The following LTBP1 variants were observed in gnomAD, a reference collection of about 807,000 sequenced individuals.
LTBP1 encodes the protein latent-transforming growth factor beta-binding protein 1.
A neutral mutation model predicts 207.6 loss-of-function variants in LTBP1; 129 were observed. The observed-to-expected ratio is 0.62, with a 90% CI of 0.54 to 0.72. The LOEUF is 0.72. LTBP1 is among the 30% of genes least tolerant of loss of function. LTBP1 has a pLI of 0.00. For missense variants in LTBP1, 2,281 were observed against 2,217.2 expected, an observed-to-expected ratio of 1.03 and a Z score of -0.58; for synonymous variants, 963 against 833.7, an observed-to-expected ratio of 1.16 and a Z score of -2.67.
chr2:33,150,697 CTTTTTTCTTTTTCTT>C (rs2083441403), intron 5 of LTBP1, among the ~76,000 whole-genome samples: 1 of 120,312 alleles, frequency 8.3e-6, no homozygotes. Context: ...TTTCTTTTTT[CTTTTTTCTTTTTCTT>C]TTTTTTTTTT....
intron 3 of LTBP1, among the ~76,000 whole-genome samples, chr2:33,024,716 C>T (rs1007041835): frequency 6.6e-6 from 1 of 152,170 alleles, no homozygotes; most frequent in African/African-American, 2.4e-5. Context: ...GATTCAGATA[C>T]ATACAACTGG....
chr2:33,189,756 T>G (rs990273906), intron 7 of LTBP1, among the ~76,000 whole-genome samples: 2 of 152,336 alleles, frequency 1.3e-5, no homozygotes, highest in Non-Finnish European at 2.9e-5. Context: ...CCGGGTGCTG[T>G]GGCTCATGCC....
chr2:33,164,790 G>C (rs148252360), intron 5 of LTBP1, among the ~76,000 whole-genome samples: 10 of 152,270 alleles, frequency 6.6e-5, no homozygotes, highest in African/African-American at 2.4e-4. Flanking sequence ...CCTACTTAGG[G>C]CATTCACAGC....
Position 33,132,672 on chromosome 2 carries a change from GACA to G in LTBP1, c.1034-2117_1034-2115del, listed in dbSNP as rs575587874. Among the ~76,000 whole-genome samples the G allele has an allele frequency of 1.2e-4, 18 of 152,294 alleles. No individual in the cohort carries two copies. In the South Asian group the frequency reaches 3.3e-3, roughly 28 times the overall value. On this transcript the variant is annotated intron_variant, in intron 4 of 33. Coordinates refer to ENST00000404816, the MANE Select transcript of LTBP1 (RefSeq NM_206943.4). Reference sequence around the variant, plus strand: ...GCCACTAGGACATCTTGCCATTTCAGACAACATGTCTTGATCCTCCAGGGTTAG... The same window carrying G: ...GCCACTAGGACATCTTGCCATTTCAGACATGTCTTGATCCTCCAGGGTTAG...
rs1293616671 is a variant in LTBP1 at position 33,309,416 on chromosome 2, T to A, written c.3482-18T>A. Reference sequence around the variant, plus strand: ...TGTGATTTATTTAGTCTTTAAAAATTTTTAAATTGGTTTTTAGATATCAAT... The same window carrying A: ...TGTGATTTATTTAGTCTTTAAAAATATTTAAATTGGTTTTTAGATATCAAT... On this transcript the variant is annotated intron_variant, in intron 22 of 33. Transcript: ENST00000404816. 6.3e-7 allele frequency: 1 copy of A among 1,575,182 alleles called. No individual in the cohort carries two copies. The highest frequency in any genetic ancestry group is 2.0e-5 in the Admixed American group (1 of 49,150).
intron 22 of LTBP1, 28 bp from the exon 23 acceptor site, chr2:33,309,406 C>T (rs770746716): frequency 2.6e-6 from 4 of 1,555,524 alleles, no homozygotes; most frequent in Non-Finnish European, 3.5e-6. Flanking sequence ...TTTATTTAGT[C>T]TTTAAAAATT....
At chr2:33,107,059 T>A (rs1235170370) in intron 3 of LTBP1, among the ~76,000 whole-genome samples, 1 of 152,230 alleles carries the variant, frequency 6.6e-6, no homozygotes, top group Admixed American at 6.5e-5. Flanking sequence ...ACCAGTGTAC[T>A]TGAACTACCG....
intron 4 of LTBP1, among the ~76,000 whole-genome samples, chr2:33,127,613 GA>G (rs1481940646): frequency 6.6e-6 from 1 of 152,206 alleles, no homozygotes; most frequent in African/African-American, 2.4e-5. Context: ...ATTTGTTATA[GA>G]TAGAAAAGGA....
At chr2:33,003,456 C>G (rs1686341777) in intron 2 of LTBP1, among the ~76,000 whole-genome samples, 1 of 152,192 alleles carries the variant, frequency 6.6e-6, no homozygotes, top group Admixed American at 6.5e-5. Flanking sequence ...AGATTTAAAC[C>G]TGTAAACCTA....
intron 26 of LTBP1, among the ~76,000 whole-genome samples, chr2:33,348,942 A>T (rs1386293280): frequency 6.6e-6 from 1 of 152,156 alleles, no homozygotes; most frequent in African/African-American, 2.4e-5. Context: ...AACTTTGATT[A>T]TATGGAGTCT....
intron 5 of LTBP1, among the ~76,000 whole-genome samples, chr2:33,161,457 TG>T (rs1558730632): frequency 6.6e-6 from 1 of 152,060 alleles, no homozygotes; most frequent in Non-Finnish European, 1.5e-5. Context: ...TCAGTAGAGA[TG>T]GGGTTTCACC....
At chr2:33,325,247 C>T (rs1465672506) in intron 24 of LTBP1, among the ~76,000 whole-genome samples, 1 of 152,164 alleles carries the variant, frequency 6.6e-6, no homozygotes, top group Non-Finnish European at 1.5e-5. Context: ...TCTAGAGGTA[C>T]ACTGTCTATT....
intron 32 of LTBP1, among the ~76,000 whole-genome samples, chr2:33,392,569 C>G (rs930955009): frequency 6.6e-6 from 1 of 152,096 alleles, no homozygotes; most frequent in African/African-American, 2.4e-5. Context: ...AAAAGCAGCC[C>G]TAGATAGCAC....
At chr2:33,387,929 C>G (rs2150547034) in intron 31 of LTBP1, among the ~76,000 whole-genome samples, 1 of 152,316 alleles carries the variant, frequency 6.6e-6, no homozygotes, top group African/African-American at 2.4e-5. Context: ...CCATCTGGTC[C>G]TGGGGCCTGT....
Position 33,382,074 on chromosome 2 carries a change from C to CTTTTTTTTTTTTTT in LTBP1, c.4712-7085_4712-7072dup, listed in dbSNP as rs70938398. Reference sequence around the variant, plus strand: ...TACAGCAGTTAGCGCCCTACTGCTTCTTTTTTTTTTTTTTTTTTTTTTTTT... The same window carrying CTTTTTTTTTTTTTT: ...TACAGCAGTTAGCGCCCTACTGCTTCTTTTTTTTTTTTTTTTTTTTTTTTTTTTTTTTTTTTTTT... On this transcript the variant is annotated intron_variant, in intron 31 of 33. Coordinates refer to ENST00000404816, the MANE Select transcript of LTBP1 (RefSeq NM_206943.4). Among the ~76,000 whole-genome samples, 12 of 46,784 alleles carry CTTTTTTTTTTTTTT rather than the reference C, an allele frequency of 2.6e-4. 5 individuals carry two copies. Among genetic ancestry groups the CTTTTTTTTTTTTTT allele is most frequent in the Non-Finnish European group, 4.0e-4 (10 of 24,954 alleles). The allele number at this position is 46,784 out of a possible 152,430, so 30.7% of individuals were successfully genotyped here.
intron 2 of LTBP1, among the ~76,000 whole-genome samples, chr2:32,968,546 G>T (rs1443231598): frequency 6.6e-6 from 1 of 151,994 alleles, no homozygotes; most frequent in Non-Finnish European, 1.5e-5. Flanking sequence ...ACAACATATT[G>T]TTGGGTTTTC....
At chr2:33,219,523 G>C (rs1276694385) in intron 8 of LTBP1, among the ~76,000 whole-genome samples, 1 of 152,048 alleles carries the variant, frequency 6.6e-6, no homozygotes, top group Non-Finnish European at 1.5e-5. Context: ...CTAAAACGTT[G>C]AAGAGGCGTT....
chr2:33,394,511 A>G (rs2095342582), intron 32 of LTBP1, among the ~76,000 whole-genome samples: 1 of 152,252 alleles, frequency 6.6e-6, no homozygotes, highest in African/African-American at 2.4e-5. Context: ...AGCTTTCTAC[A>G]TATGGCTAGC....
intron 3 of LTBP1, among the ~76,000 whole-genome samples, chr2:33,101,509 C>G (rs2079739225): frequency 6.6e-6 from 1 of 152,184 alleles, no homozygotes; most frequent in Non-Finnish European, 1.5e-5. Flanking sequence ...GATGTTATTA[C>G]CCTTATATCA....
Sources: allele counts gnomAD v4.1 joint callset (sites outside exome capture counted in the v4.1 genomes callset), GRCh38; gene constraint gnomAD v4.1.1; transcripts MANE v1.5; gene names NCBI Gene and HGNC (gene_info 2026-07-23, HGNC 2026-07-21).